The following SCNN1B variants were observed in gnomAD, a reference collection of about 807,000 sequenced individuals.
The protein encoded by SCNN1B is sodium channel epithelial 1 subunit beta, also known as epithelial sodium channel subunit beta.
Under a neutral mutation model 65.3 loss-of-function variants are expected in SCNN1B, and 46 were observed. The observed-to-expected ratio is 0.70, with a 90% CI of 0.56 to 0.90. The LOEUF (loss-of-function observed/expected upper bound fraction) is 0.90. Ranked by LOEUF, SCNN1B falls within the 40% of genes least tolerant of loss-of-function variation. The pLI is 0.00. For synonymous variants in SCNN1B, 349 were observed against 330.6 expected (o/e 1.06, Z -0.60); for missense variants, 751 against 830.5 (o/e 0.90, Z 1.18).
At chr16:23,347,365 A>G (rs988508945) in intron 1 of SCNN1B, among the ~76,000 whole-genome samples, 1 of 152,106 alleles carries the variant, frequency 6.6e-6, no homozygotes, top group Non-Finnish European at 1.5e-5. Flanking sequence ...CCTCTCAGCA[A>G]TCCTGTAAGT....
intron 5 of SCNN1B, among the ~76,000 whole-genome samples, chr16:23,369,635 A>T (rs1481419899): frequency 2.0e-5 from 3 of 152,002 alleles, no homozygotes; most frequent in Non-Finnish European, 4.4e-5. Context: ...GCAGGCTCTC[A>T]TTCAGCGACC....
intron 1 of SCNN1B, among the ~76,000 whole-genome samples, chr16:23,324,285 T>A (rs1961648423): frequency 6.6e-6 from 1 of 151,688 alleles, no homozygotes; most frequent in South Asian, 2.1e-4. Flanking sequence ...ACTCCTGGGA[T>A]CCAGCGAACC....
intron 1 of SCNN1B, among the ~76,000 whole-genome samples, chr16:23,342,382 G>A (rs1962071452): frequency 6.6e-6 from 1 of 152,166 alleles, no homozygotes; most frequent in South Asian, 2.1e-4. Context: ...TGAGTAGCAG[G>A]GATTACAGGC....
Position 23,284,659 on chromosome 16 carries a change from A to T in SCNN1B, n.178+855A>T, listed in dbSNP as rs117676025. 3.0e-3 allele frequency among the ~76,000 whole-genome samples: 451 copies of T among 152,324 alleles called. 3 individuals are homozygous for T. The East Asian group carries it at 0.037, about 13-fold the overall frequency. On this transcript the variant is annotated intron_variant and non_coding_transcript_variant, in intron 2 of 3. Transcript: ENST00000569789. ...CCTCAGATGCCTACAGCAGTCAGACAGAGCATACAAAAGCATGGAGTGAAC... is the reference window on the plus strand; with the variant it reads ...CCTCAGATGCCTACAGCAGTCAGACTGAGCATACAAAAGCATGGAGTGAAC...
chr16:23,369,145 T>C (rs1962732470), intron 5 of SCNN1B, among the ~76,000 whole-genome samples: 1 of 152,222 alleles, frequency 6.6e-6, no homozygotes, highest in African/African-American at 2.4e-5. Flanking sequence ...TCTCACTCTG[T>C]CACCCAAACT....
At chr16:23,325,688 C>T (rs1961681327) in intron 1 of SCNN1B, among the ~76,000 whole-genome samples, 1 of 151,998 alleles carries the variant, frequency 6.6e-6, no homozygotes, top group South Asian at 2.1e-4. Flanking sequence ...CCCTGTTCTG[C>T]CAAATAGTAG....
chr16:23,336,021 C>T (rs2142005123), intron 1 of SCNN1B, among the ~76,000 whole-genome samples: 1 of 152,306 alleles, frequency 6.6e-6, no homozygotes, highest in African/African-American at 2.4e-5. Context: ...CGGGCAGCTG[C>T]ATGGCCCCAC....
chr16:23,345,577 A>G (rs1463207972), intron 1 of SCNN1B, among the ~76,000 whole-genome samples: 1 of 152,214 alleles, frequency 6.6e-6, no homozygotes, highest in African/African-American at 2.4e-5. Flanking sequence ...CCACCAGCTT[A>G]GTAGGCTTAG....
chr16:23,364,395 G>A (rs1479035920), intron 4 of SCNN1B, among the ~76,000 whole-genome samples: 2 of 152,144 alleles, frequency 1.3e-5, no homozygotes, highest in African/African-American at 4.8e-5. Context: ...GGACAACAGA[G>A]GCAAAAGCCT....
At chr16:23,322,115 T>C (rs1262431187) in intron 1 of SCNN1B, among the ~76,000 whole-genome samples, 2 of 152,180 alleles carry the variant, frequency 1.3e-5, no homozygotes, top group African/African-American at 4.8e-5. Context: ...GCCTTCCAGA[T>C]ACAACAGTTT....
At chr16:23,364,716 C>T (rs1423360758) in intron 4 of SCNN1B, among the ~76,000 whole-genome samples, 2 of 152,112 alleles carry the variant, frequency 1.3e-5, no homozygotes, top group Non-Finnish European at 2.9e-5. Context: ...TGGAGCCTGG[C>T]GTGGTGGCTC....
chr16:23,352,672 T>C (rs1962334166), intron 2 of SCNN1B, 129 bp from the exon 3 acceptor site: 2 of 1,010,034 alleles, frequency 2.0e-6, no homozygotes, highest in East Asian at 4.8e-5. Flanking sequence ...TGTTTATAAA[T>C]TACCCAGTCT....
At chr16:23,360,294 G>A (rs528185368) in intron 4 of SCNN1B, among the ~76,000 whole-genome samples, 2 of 152,152 alleles carry the variant, frequency 1.3e-5, no homozygotes, top group East Asian at 3.9e-4. Context: ...CCAGCACTTT[G>A]GGAGGCCAAG....
intron 4 of SCNN1B, among the ~76,000 whole-genome samples, chr16:23,362,629 C>G (rs1358164688): frequency 2.6e-5 from 4 of 152,190 alleles, no homozygotes; most frequent in Non-Finnish European, 4.4e-5. Context: ...GGCAGCCAGT[C>G]CTGGGAGCAG....
upstream of SCNN1B, among the ~76,000 whole-genome samples, chr16:23,297,885 A>C (rs185249817): frequency 5.9e-4 from 90 of 152,312 alleles, no homozygotes; most frequent in African/African-American, 2.1e-3. Flanking sequence ...CCTGAAGTAG[A>C]ATGAATGGAT....
intron 1 of SCNN1B, among the ~76,000 whole-genome samples, chr16:23,323,053 G>A (rs1380008554): frequency 1.3e-5 from 2 of 151,880 alleles, no homozygotes; most frequent in African/African-American, 2.4e-5. Context: ...AATTAGCTCG[G>A]CATCACCATG....
chr16:23,298,885 A>G (rs1255473329), upstream of SCNN1B, among the ~76,000 whole-genome samples: 1 of 152,172 alleles, frequency 6.6e-6, no homozygotes, highest in African/African-American at 2.4e-5. Context: ...GGAAATCATG[A>G]CACAGAATGA....
intron 1 of SCNN1B, among the ~76,000 whole-genome samples, chr16:23,333,027 C>A (rs943777291): frequency 4.0e-5 from 6 of 151,264 alleles, no homozygotes; most frequent in African/African-American, 7.3e-5. Context: ...GCCAAAATCG[C>A]CCCATTGCAC....
At chr16:23,302,115 C>A (rs976954016), upstream of SCNN1B, among the ~76,000 whole-genome samples, 8 of 152,046 alleles carry the variant, frequency 5.3e-5, no homozygotes, top group Non-Finnish European at 8.8e-5. Flanking sequence ...AGGGAGAATG[C>A]GGAGCGCGTG....
Sources: allele counts gnomAD v4.1 joint callset (sites outside exome capture counted in the v4.1 genomes callset), GRCh38; gene constraint gnomAD v4.1.1; transcripts MANE v1.5; gene names NCBI Gene and HGNC (gene_info 2026-07-23, HGNC 2026-07-21).